The following CAPN14 variants were observed in gnomAD, a reference collection of about 807,000 sequenced individuals.
CAPN14 encodes the protein calpain-14.
Under a neutral mutation model 101.3 loss-of-function variants are expected in CAPN14, and 94 were observed. The ratio of observed to expected loss-of-function variants is 0.93; its 90% CI spans 0.79 to 1.10. CAPN14 has a LOEUF of 1.10. Among genes scored for constraint, CAPN14 ranks in the 50% least tolerant of loss-of-function variants. CAPN14 has a pLI of 0.00. For synonymous variants in CAPN14, 338 were observed against 317.9 expected (o/e 1.06, Z -0.67); for missense variants, 837 against 828.4 (o/e 1.01, Z -0.13).
chr2:31,205,183 C>G (rs1682004976), intron 2 of CAPN14, 40 bp downstream of exon 2: 1 of 1,528,806 alleles, frequency 6.5e-7, no homozygotes, highest in Non-Finnish European at 8.9e-7. Context: ...AGCCCTAAAC[C>G]CTGGGGAAGG....
chr2:31,193,960 G>T (rs1358420623), intron 9 of CAPN14, among the ~76,000 whole-genome samples: 1 of 152,098 alleles, frequency 6.6e-6, no homozygotes, highest in Non-Finnish European at 1.5e-5. Flanking sequence ...ATCAGCTCAG[G>T]ATGTCTTGGT....
intron 16 of CAPN14, among the ~76,000 whole-genome samples, chr2:31,181,682 C>G (rs1471283435): frequency 1.0e-5 from 1 of 95,270 alleles, no homozygotes; most frequent in South Asian, 4.9e-4. Context: ...CTCCCCCCAC[C>G]CCACAACAGT....
chr2:31,179,275 G>A (rs1408544888), intron 17 of CAPN14, among the ~76,000 whole-genome samples: 1 of 151,818 alleles, frequency 6.6e-6, no homozygotes. Context: ...ACTTGTCCAG[G>A]TGTTCTCATT....
intron 16 of CAPN14, among the ~76,000 whole-genome samples, chr2:31,181,923 T>C (rs1680661979): frequency 6.6e-6 from 1 of 151,836 alleles, no homozygotes; most frequent in Non-Finnish European, 1.5e-5. Context: ...AGTCTATCAT[T>C]GTTGGACATT....
At chr2:31,216,745 T>C (rs936239460) in intron 1 of CAPN14, among the ~76,000 whole-genome samples, 2 of 152,052 alleles carry the variant, frequency 1.3e-5, no homozygotes, top group Admixed American at 1.3e-4. Context: ...ACTACCTCGC[T>C]CTGGAGTCCT....
At chr2:31,223,194 CAGGAATGTTTA>C (rs1431213715) in intron 2 of CAPN14, among the ~76,000 whole-genome samples, 2 of 152,206 alleles carry the variant, frequency 1.3e-5, no homozygotes, top group Non-Finnish European at 2.9e-5. Context: ...AAACTGGAGA[CAGGAATGTTTA>C]AGGTTATCAG....
intron 2 of CAPN14, among the ~76,000 whole-genome samples, chr2:31,224,583 A>C (rs1188926249): frequency 6.6e-6 from 1 of 152,152 alleles, no homozygotes; most frequent in Non-Finnish European, 1.5e-5. Flanking sequence ...TGAAATATAC[A>C]TTATAAACCA....
intron 13 of CAPN14, 73 bp from the exon 14 acceptor site, chr2:31,188,427 TG>T: frequency 7.3e-7 from 1 of 1,371,598 alleles, no homozygotes. Flanking sequence ...CCCCTTCTCC[TG>T]GGAGCTCGTC....
rs186573530 is a variant in CAPN14, at chr2:31,224,491, A to G, written c.-53+2037T>C. Among the ~76,000 whole-genome samples the G allele has an allele frequency of 7.3e-3, 1,108 of 152,266 alleles. 8 individuals are homozygous for G. Among genetic ancestry groups the G allele is most frequent in the East Asian group, 0.014 (70 of 5,180 alleles). On this transcript the variant is annotated intron_variant and NMD_transcript_variant, in intron 2 of 21. Coordinates refer to the CAPN14 transcript ENST00000398824. Reference sequence around the variant, plus strand: ...AAAAAGAATCCAGACAGGTACCAGGATATCATTGAAATCATGAACAAAACA... The same window carrying G: ...AAAAAGAATCCAGACAGGTACCAGGGTATCATTGAAATCATGAACAAAACA...
At chr2:31,183,960 C>T (rs1680783079) in intron 16 of CAPN14, among the ~76,000 whole-genome samples, 1 of 152,010 alleles carries the variant, frequency 6.6e-6, no homozygotes, top group Admixed American at 6.6e-5. Flanking sequence ...TGGCTCACTG[C>T]AACCTCCACC....
chr2:31,181,726 T>G lies in CAPN14; in HGVS notation c.1646-726A>C, dbSNP rs534302857. ...TGTGATGTTCCCCTTCCTGTGTCCA[T>G]GTGTTCTCGTTGTTCAATTCCCACC... On this transcript the variant is annotated intron_variant, in intron 16 of 21. Coordinates refer to ENST00000403897, the MANE Select transcript of CAPN14 (RefSeq NM_001145122.2). Among the ~76,000 whole-genome samples the G allele has an allele frequency of 6.3e-3, 789 of 125,282 alleles. 8 individuals carry two copies. Among genetic ancestry groups the G allele is most frequent in the African/African-American group, 0.023 (726 of 31,838 alleles). The allele number at this position is 125,282 out of a possible 152,430, so 82.2% of individuals were successfully genotyped here.
At chr2:31,226,566 G>C (rs527640063) in exon 2 of CAPN14, 1 of 152,354 alleles carries the variant, frequency 6.6e-6, no homozygotes, top group Admixed American at 6.5e-5. Flanking sequence ...GCTGGTCCTG[G>C]GGTCCTTCAG....
chr2:31,219,175 A>T (rs1158593596), upstream of CAPN14, among the ~76,000 whole-genome samples: 4 of 151,962 alleles, frequency 2.6e-5, no homozygotes, highest in African/African-American at 9.7e-5. Flanking sequence ...GCTTACCATA[A>T]ATTGTGCTGC....
chr2:31,225,137 C>A (rs1682982341), intron 2 of CAPN14, among the ~76,000 whole-genome samples: 2 of 152,030 alleles, frequency 1.3e-5, no homozygotes, highest in South Asian at 4.2e-4. Context: ...ACACTAAATG[C>A]TTTTAGAAAA....
intron 1 of CAPN14, chr2:31,233,709 C>T (rs150474354): frequency 6.6e-6 from 1 of 151,550 alleles, no homozygotes; most frequent in Non-Finnish European, 1.5e-5. Context: ...TGGGTAGTGA[C>T]AGTTTTGGTT....
At chr2:31,205,551 C>T in intron 1 of CAPN14, 52 bp from the exon 2 acceptor site, 1 of 928,448 alleles carries the variant, frequency 1.1e-6, no homozygotes, top group Non-Finnish European at 1.7e-6. Context: ...TGTGCTTTGC[C>T]ATTGCCACAG....
chr2:31,223,023 C>T (rs1682905329), intron 2 of CAPN14, among the ~76,000 whole-genome samples: 1 of 152,216 alleles, frequency 6.6e-6, no homozygotes. Context: ...AACAAGCAAC[C>T]TGGAAGAAGA....
chr2:31,231,720 C>T (rs1279307616), intron 1 of CAPN14, among the ~76,000 whole-genome samples: 3 of 152,164 alleles, frequency 2.0e-5, no homozygotes, highest in African/African-American at 7.2e-5. Flanking sequence ...CATAATGGGG[C>T]CCCTTGATTT....
chr2:31,184,638 G>T (rs1680818409), intron 16 of CAPN14, among the ~76,000 whole-genome samples: 1 of 152,194 alleles, frequency 6.6e-6, no homozygotes, highest in Non-Finnish European at 1.5e-5. Context: ...AGAAATGTGG[G>T]ATACTTTGCG....
Sources: allele counts gnomAD v4.1 joint callset (sites outside exome capture counted in the v4.1 genomes callset), GRCh38; gene constraint gnomAD v4.1.1; transcripts MANE v1.5; gene names NCBI Gene and HGNC (gene_info 2026-07-23, HGNC 2026-07-21).